Variants in EHD1 observed in about 807,000 individuals in gnomAD.
EHD1 encodes EH domain containing 1.
Under a neutral mutation model 39.0 loss-of-function variants are expected in EHD1, and 19 were observed. That is an observed-to-expected ratio of 0.49 (90% CI 0.34 to 0.72). The LOEUF (loss-of-function observed/expected upper bound fraction) is 0.72, where lower values mean the gene tolerates loss of function less well. EHD1 is among the 30% of genes least tolerant of loss of function. EHD1 has a pLI of 0.01. For missense variants in EHD1, 542 were observed against 751.5 expected (o/e 0.72, Z 3.26); for synonymous variants, 323 against 331.2 (o/e 0.98, Z 0.27).
At position 64,874,451 on chromosome 11, in the gene EHD1, G is replaced by T; in HGVS notation, c.472C>A (p.Leu158Met). ...SISIIDTPGI[L>M]SGEKQRISRG... ...CTGATCCGCTGCTTCTCTCCAGACA[G>T]GATCCCGGGGGTGTCGATGATGCTG... The change falls in exon 2 of 5, where the codon CTG becomes ATG. Residue 158 changes from leucine (L) to methionine (M), a missense_variant. Transcript: ENST00000320631. 1 of 1,609,566 alleles carries T rather than the reference G, an allele frequency of 6.2e-7. No individual in the cohort carries two copies. The highest frequency in any genetic ancestry group is 2.2e-5 in the East Asian group (1 of 44,756).
At chr11:64,867,579 C>T (rs547993385) in intron 2 of EHD1, among the ~76,000 whole-genome samples, 1 of 151,452 alleles carries the variant, frequency 6.6e-6, no homozygotes, top group Non-Finnish European at 1.5e-5. Flanking sequence ...ATTAGCTGGG[C>T]GTGGTGGCAG....
chr11:64,876,284 G>GT (rs1417896504), intron 1 of EHD1, among the ~76,000 whole-genome samples: 1 of 152,222 alleles, frequency 6.6e-6, no homozygotes, highest in African/African-American at 2.4e-5. Context: ...GGGAGAGGCT[G>GT]TATCAGCCAG....
intron 3 of EHD1, among the ~76,000 whole-genome samples, chr11:64,857,772 C>T (rs1377277516): frequency 6.6e-6 from 1 of 152,192 alleles, no homozygotes; most frequent in East Asian, 1.9e-4. Flanking sequence ...CAGGAAGTGC[C>T]CATCCTCAGT....
At chr11:64,874,207 G>C (rs1034483184) in intron 2 of EHD1, among the ~76,000 whole-genome samples, 2 of 151,354 alleles carry the variant, frequency 1.3e-5, no homozygotes, top group Non-Finnish European at 2.9e-5. Flanking sequence ...AGGAGGCTGA[G>C]GCAGGAGAAT....
At chr11:64,879,629 A>G (rs1943931579), upstream of EHD1, 4 of 1,550,910 alleles carry the variant, frequency 2.6e-6, no homozygotes, top group East Asian at 2.4e-5. Flanking sequence ...TGGCTGTTCC[A>G]TGGGGCTCAC....
At chr11:64,879,125 A>G (rs1433085166), upstream of EHD1, 1 of 1,003,300 alleles carries the variant, frequency 1.0e-6, no homozygotes, top group Non-Finnish European at 1.2e-6. Context: ...AGCTTCCCAG[A>G]CACACACTGT....
chr11:64,877,094 T>C (rs1288265240), intron 1 of EHD1, among the ~76,000 whole-genome samples: 1 of 152,136 alleles, frequency 6.6e-6, no homozygotes, highest in African/African-American at 2.4e-5. Context: ...ATGAAAGGCA[T>C]GTGGAGTCCG....
chr11:64,864,237 GC>G (rs1449105254), intron 2 of EHD1, among the ~76,000 whole-genome samples: 2 of 152,262 alleles, frequency 1.3e-5, no homozygotes, highest in Admixed American at 1.3e-4. Flanking sequence ...GGACGGGGAG[GC>G]CCGATCAGCC....
intron 3 of EHD1, among the ~76,000 whole-genome samples, chr11:64,857,472 G>A (rs144730780): frequency 1.2e-4 from 18 of 152,104 alleles, no homozygotes; most frequent in Middle Eastern, 3.4e-3. Flanking sequence ...AGAAAAACAC[G>A]CAGCCCTCTG....
intron 3 of EHD1, among the ~76,000 whole-genome samples, chr11:64,856,980 G>A (rs1943660461): frequency 6.6e-6 from 1 of 152,210 alleles, no homozygotes; most frequent in Non-Finnish European, 1.5e-5. Flanking sequence ...CCTGCAAGGA[G>A]AGAAACTCAG....
chr11:64,874,523 A>C lies in EHD1; in HGVS notation c.405-5T>G. On this transcript the variant is annotated splice_polypyrimidine_tract_variant and splice_region_variant and intron_variant, in intron 1 of 4. Transcript: ENST00000320631. ...GGCAGCTGGGCACACATGAACCTACATGAGAGCAAGAGCCAGAAGAGAGGC... is the reference window on the plus strand; with the variant it reads ...GGCAGCTGGGCACACATGAACCTACCTGAGAGCAAGAGCCAGAAGAGAGGC... 6.2e-7 allele frequency: 1 copy of C among 1,600,240 alleles called. No homozygotes were observed. The highest frequency in any genetic ancestry group is 1.7e-5 in the Admixed American group (1 of 57,548).
chr11:64,878,630 C>T (rs1673748445), upstream of EHD1: 5 of 1,409,056 alleles, frequency 3.5e-6, no homozygotes, highest in Admixed American at 3.2e-5. Flanking sequence ...ATGCTGCGCA[C>T]CCCTCGCGGA....
chr11:64,874,945 A>G (rs568643751), intron 1 of EHD1, among the ~76,000 whole-genome samples: 1 of 152,332 alleles, frequency 6.6e-6, no homozygotes, highest in Non-Finnish European at 1.5e-5. Context: ...GCCGCTTCCT[A>G]CTGCTGCTAG....
At chr11:64,870,276 C>T (rs539701559) in intron 2 of EHD1, among the ~76,000 whole-genome samples, 7 of 152,318 alleles carry the variant, frequency 4.6e-5, no homozygotes, top group South Asian at 2.1e-4. Context: ...GGCACTCCTT[C>T]GCCCACAGCC....
rs749893981 is a variant in EHD1, at chr11:64,878,117, C to T, written c.348G>A (p.Val116=). Residue 116 remains valine, a synonymous_variant, in exon 1 of 5, where the codon GTG becomes GTA. Coordinates refer to ENST00000320631, the MANE Select transcript of EHD1 (RefSeq NM_006795.4). ...GCTTGCGGAAGGGGCGCCGCGGGTC[C>T]ACCACGAGCGCGTTGCCCGGCACCA... ...EGVVPGNALV[V]DPRRPFRKLN... 3.2e-6 allele frequency: 5 copies of T among 1,559,252 alleles called. No individual in the cohort carries two copies. In the African/African-American group the frequency reaches 4.1e-5, roughly 13 times the overall value.
intron 2 of EHD1, among the ~76,000 whole-genome samples, chr11:64,865,157 G>C (rs908960398): frequency 6.6e-6 from 1 of 152,222 alleles, no homozygotes; most frequent in Admixed American, 6.5e-5. Flanking sequence ...ACCCACAGGT[G>C]ACAAAAAGGG....
intron 3 of EHD1, among the ~76,000 whole-genome samples, chr11:64,856,985 A>C (rs4121766): frequency 0.78 from 118,731 of 151,710 alleles, 48,146 homozygotes; most frequent in Non-Finnish European, 0.89. Flanking sequence ...AAGGAGAGAA[A>C]CTCAGCTAGG....
At chr11:64,877,994 G>T in intron 1 of EHD1, 67 bp downstream of exon 1, 2 of 1,432,382 alleles carry the variant, frequency 1.4e-6, no homozygotes, top group Admixed American at 2.6e-5. Flanking sequence ...GCCACGGGAG[G>T]GTCAGGCTCC....
In EHD1 at chr11:64,853,218, A is replaced by G. The variant is rs1286454390; in HGVS notation, c.*1115T>C. ...GCCCTCCTTTGCTAAACAGAGGAGG[A>G]AGGAAGGTAGGAAATGAAGGGGGAT... On this transcript the variant is annotated 3_prime_UTR_variant, in exon 5 of 5. Coordinates refer to ENST00000320631, the MANE Select transcript of EHD1 (RefSeq NM_006795.4). The G allele has an allele frequency of 3.3e-5, 5 of 152,334 alleles. No homozygotes were observed. The highest frequency in any genetic ancestry group is 7.3e-5 in the Non-Finnish European group (5 of 68,128). 9.4% of individuals were successfully genotyped at this position (152,334 alleles called of 1,614,324 possible).
Sources: gnomAD v4.1 joint callset for allele counts (sites outside exome capture counted in the v4.1 genomes callset) on GRCh38, gnomAD v4.1.1 for gene constraint, MANE v1.5 for transcripts, NCBI Gene and HGNC (gene_info 2026-07-23, HGNC 2026-07-21) for gene names.